MCUB: variants seen among roughly 807,000 people sequenced by gnomAD.
MCUB encodes the protein mitochondrial calcium uniporter dominant negative subunit beta, also known as calcium uniporter regulatory subunit MCUb, mitochondrial.
MCUB carries 46 observed loss-of-function variants against 41.4 expected under a neutral mutation model. That is an observed-to-expected ratio of 1.11 (90% CI 0.88 to 1.42). The LOEUF (loss-of-function observed/expected upper bound fraction) is 1.42, where lower values mean the gene tolerates loss of function less well. Among genes scored for constraint, MCUB ranks in the 40% most tolerant of loss-of-function variants. MCUB has a pLI of 0.00. For missense variants in MCUB, 403 were observed against 404.9 expected, an observed-to-expected ratio of 1.00 and a Z score of 0.04; for synonymous variants, 148 against 148.2, an observed-to-expected ratio of 1.00 and a Z score of 0.01.
At chr4:109,587,424 C>T (rs894229492) in intron 1 of MCUB, among the ~76,000 whole-genome samples, 1 of 149,722 alleles carries the variant, frequency 6.7e-6, no homozygotes, top group Non-Finnish European at 1.5e-5. Flanking sequence ...CCGGGTGAGG[C>T]GATGCCCTGC....
chr4:109,561,442 T>C (rs917529506), intron 1 of MCUB, among the ~76,000 whole-genome samples: 13 of 144,492 alleles, frequency 9.0e-5, no homozygotes, highest in Non-Finnish European at 1.5e-5. Flanking sequence ...AATATTTAAG[T>C]GCATTTTTTT....
chr4:109,601,984 T>C (rs1178114178), intron 1 of MCUB, among the ~76,000 whole-genome samples: 2 of 152,254 alleles, frequency 1.3e-5, no homozygotes, highest in Non-Finnish European at 2.9e-5. Flanking sequence ...TGATGATTGA[T>C]GTTGATGGAC....
At position 109,682,495 on chromosome 4, in the gene MCUB, T is replaced by G. The variant is rs1374946355; in HGVS notation, c.452-87T>G. 19 of 1,064,412 alleles carry G rather than the reference T, an allele frequency of 1.8e-5. 1 individual carries two copies. The South Asian group carries it at 2.8e-4, about 16-fold the overall frequency. The allele number at this position is 1,064,412 out of a possible 1,614,324, so 65.9% of individuals were successfully genotyped here. ...TACCCTGTGGATCCTAAGATAATAT[T>G]TGGAAAGAGAATTGGGGACCGAAAG... is the stretch of plus-strand genomic sequence containing the variant. On this transcript the variant is annotated intron_variant, in intron 4 of 7. Transcript: ENST00000394650.
Position 109,680,669 on chromosome 4 carries a change from G to A in MCUB, c.452-1913G>A, listed in dbSNP as rs1210150450. ...CAGCTATAGCCTAGACTATGGAAGG[G>A]GGTAAAGACCACAGCAGTCTTGAAT... On this transcript the variant is annotated intron_variant, in intron 4 of 7. Coordinates refer to ENST00000394650, the MANE Select transcript of MCUB (RefSeq NM_017918.5). Among the ~76,000 whole-genome samples the A allele has an allele frequency of 2.0e-5, 3 of 152,246 alleles. No homozygotes were observed. The South Asian group carries it at 6.2e-4, about 32-fold the overall frequency.
intron 1 of MCUB, among the ~76,000 whole-genome samples, chr4:109,658,373 C>T (rs1385074984): frequency 2.0e-5 from 3 of 151,950 alleles, no homozygotes; most frequent in Non-Finnish European, 4.4e-5. Flanking sequence ...TCTTGGCTCA[C>T]GGCAAACTCC....
At chr4:109,560,563 C>CGGGG (rs1458533963) in intron 1 of MCUB, 127 bp downstream of exon 1, 1 of 468,426 alleles carries the variant, frequency 2.1e-6, no homozygotes, top group African/African-American at 2.0e-5. Flanking sequence ...TGCCGGGCTC[C>CGGGG]GCGCGCCGGG....
intron 1 of MCUB, among the ~76,000 whole-genome samples, chr4:109,653,675 C>T (rs531873189): frequency 4.6e-5 from 7 of 152,274 alleles, no homozygotes; most frequent in East Asian, 3.9e-4. Context: ...CTCCCGGGTT[C>T]GAGTGAGTCT....
intron 1 of MCUB, among the ~76,000 whole-genome samples, chr4:109,593,493 A>C (rs1727486643): frequency 6.6e-6 from 1 of 152,238 alleles, no homozygotes; most frequent in South Asian, 2.1e-4. Flanking sequence ...ATCTGAGATC[A>C]CGCTGGGCCT....
intron 1 of MCUB, among the ~76,000 whole-genome samples, chr4:109,604,589 G>A (rs956854258): frequency 4.6e-5 from 7 of 152,086 alleles, no homozygotes; most frequent in Non-Finnish European, 8.8e-5. Context: ...CATCCTTGTC[G>A]TGTTCCAGAT....
At chr4:109,649,671 G>T (rs1728916154) in intron 1 of MCUB, among the ~76,000 whole-genome samples, 2 of 151,680 alleles carry the variant, frequency 1.3e-5, no homozygotes, top group Admixed American at 1.3e-4. Context: ...TGTTTCTGGG[G>T]TTCTGTAGTT....
intron 1 of MCUB, among the ~76,000 whole-genome samples, chr4:109,580,039 C>T (rs1410574610): frequency 6.6e-6 from 1 of 152,130 alleles, no homozygotes; most frequent in African/African-American, 2.4e-5. Flanking sequence ...TGCCCCCCAC[C>T]CCACAACAGG....
chr4:109,599,620 A>G (rs909563210), intron 1 of MCUB, among the ~76,000 whole-genome samples: 14 of 152,136 alleles, frequency 9.2e-5, no homozygotes, highest in African/African-American at 3.4e-4. Context: ...CCTAGAGAAA[A>G]CTAGGCTGTG....
Position 109,684,618 on chromosome 4 carries a change from T to G in MCUB, c.788T>G (p.Phe263Cys). The G allele has an allele frequency of 6.4e-7, 1 of 1,559,092 alleles. No individual in the cohort carries two copies. Among genetic ancestry groups the G allele is most frequent in the Non-Finnish European group, 8.8e-7 (1 of 1,130,160 alleles). The part of the protein sequence containing the change: ...YFITFANSMV[F>C]FAYFIVTRQD... ...ATCACATTTGCAAATTCTATGGTCT[T>G]TTTTGCATACTTTATAGTCACTCGA... The change falls in exon 6 of 8, where the codon TTT becomes TGT. Residue 263 changes from phenylalanine (F) to cysteine (C), a missense_variant. Transcript: ENST00000394650.
chr4:109,586,907 G>A (rs556104339), intron 1 of MCUB, among the ~76,000 whole-genome samples: 58 of 152,294 alleles, frequency 3.8e-4, no homozygotes, highest in Middle Eastern at 3.4e-3. Context: ...TAGGCTACAC[G>A]GAGGTCAGGG....
At chr4:109,560,481 C>A in intron 1 of MCUB, 45 bp downstream of exon 1, 2 of 959,582 alleles carry the variant, frequency 2.1e-6, no homozygotes, top group Non-Finnish European at 2.7e-6. Context: ...TAGGCTGGTG[C>A]AAAGTTTGCG....
chr4:109,612,549 A>G (rs979539795), intron 1 of MCUB, among the ~76,000 whole-genome samples: 3 of 151,642 alleles, frequency 2.0e-5, no homozygotes, highest in Non-Finnish European at 2.9e-5. Flanking sequence ...TATAGGTGTG[A>G]GCCACCACAC....
chr4:109,640,918 A>G (rs1728698959), intron 1 of MCUB, among the ~76,000 whole-genome samples: 1 of 152,194 alleles, frequency 6.6e-6, no homozygotes, highest in Non-Finnish European at 1.5e-5. Context: ...TGCCTTCCTC[A>G]CTAAGCTTAA....
chr4:109,632,091 A>G (rs940157308), intron 1 of MCUB, among the ~76,000 whole-genome samples: 7 of 152,224 alleles, frequency 4.6e-5, no homozygotes, highest in African/African-American at 1.4e-4. Context: ...ATTAAGGAGC[A>G]CTAAGATCCA....
chr4:109,583,417 C>A (rs1337790068), intron 1 of MCUB, among the ~76,000 whole-genome samples: 2 of 152,030 alleles, frequency 1.3e-5, no homozygotes, highest in Non-Finnish European at 2.9e-5. Context: ...ATTTTTGTAT[C>A]CTGAGAGTTT....
Sources: gnomAD v4.1 joint callset for allele counts (sites outside exome capture counted in the v4.1 genomes callset) on GRCh38, gnomAD v4.1.1 for gene constraint, MANE v1.5 for transcripts, NCBI Gene and HGNC (gene_info 2026-07-23, HGNC 2026-07-21) for gene names.